Variants in GPC3 observed in about 807,000 individuals in gnomAD.
The protein encoded by GPC3 is glypican-3.
Under a neutral mutation model 34.4 loss-of-function variants are expected in GPC3, and 3 were observed. The ratio of observed to expected loss-of-function variants is 0.09; its 90% CI spans 0.04 to 0.23. The LOEUF (loss-of-function observed/expected upper bound fraction) is 0.23, where lower values mean the gene tolerates loss of function less well. Among genes scored for constraint, GPC3 ranks in the 10% least tolerant of loss-of-function variants. The pLI is 1.00. For synonymous variants in GPC3, 177 were observed against 174.0 expected (o/e 1.02, Z -0.13); for missense variants, 351 against 445.6 (o/e 0.79, Z 1.91).
intron 7 of GPC3, among the ~76,000 whole-genome samples, chrX:133,549,816 CCTCT>C (rs2069417559): frequency 1.1e-5 from 1 of 91,428 alleles, no homozygotes; most frequent in South Asian, 6.5e-4. Flanking sequence ...TCCTTCCCTC[CCTCT>C]CTCTCCCTCC....
chrX:133,708,882 C>A (rs1315397416), intron 3 of GPC3, among the ~76,000 whole-genome samples: 1 of 111,937 alleles, frequency 8.9e-6, no homozygotes, highest in Non-Finnish European at 1.9e-5. Flanking sequence ...TGAATGCTAT[C>A]CATTTGTTTA....
chrX:133,885,531 C>A (rs1426124434), intron 2 of GPC3, among the ~76,000 whole-genome samples: 1 of 111,301 alleles, frequency 9.0e-6, no homozygotes, highest in Non-Finnish European at 1.9e-5. Flanking sequence ...TTTTCAAGCC[C>A]CCAACAGATT....
Position 133,577,867 on chromosome X carries a change from C to A in GPC3, c.1573+18573G>T, listed in dbSNP as rs189506996. Among the ~76,000 whole-genome samples, 12 of 111,607 alleles carry A rather than the reference C, an allele frequency of 1.1e-4. No individual in the cohort carries two copies. The East Asian group carries it at 1.4e-3, about 13-fold the overall frequency. ...TGCCTAGTGACCTGGCTGGCTCTAT[C>A]CATAGTCCTCCAAATGACTCAGGTG... is the stretch of plus-strand genomic sequence containing the variant. On this transcript the variant is annotated intron_variant, in intron 7 of 7. Coordinates refer to ENST00000370818, the MANE Select transcript of GPC3 (RefSeq NM_004484.4).
intron 2 of GPC3, among the ~76,000 whole-genome samples, chrX:133,893,584 GTGA>G (rs767512931): frequency 9.0e-6 from 1 of 111,568 alleles, no homozygotes; most frequent in Admixed American, 9.6e-5. Context: ...AACCAATAAA[GTGA>G]TGATATGCAG....
chrX:133,841,240 G>A (rs1378007385), intron 2 of GPC3, among the ~76,000 whole-genome samples: 1 of 18,090 alleles, frequency 5.5e-5, no homozygotes. Context: ...TTTTTTTTTG[G>A]TAGAGATGGG....
intron 6 of GPC3, among the ~76,000 whole-genome samples, chrX:133,612,690 G>A (rs1390039382): frequency 1.8e-5 from 2 of 111,600 alleles, no homozygotes; most frequent in East Asian, 5.6e-4. Context: ...TGTTCTTGGT[G>A]GTTTAAGTTT....
chrX:133,712,006 G>A (rs1300544893), intron 3 of GPC3, among the ~76,000 whole-genome samples: 1 of 111,946 alleles, frequency 8.9e-6, no homozygotes, highest in African/African-American at 3.2e-5. Flanking sequence ...AATATTTTTT[G>A]AAGAATATAA....
intron 3 of GPC3, among the ~76,000 whole-genome samples, 189 bp from the exon 4 acceptor site, chrX:133,700,217 A>G (rs776805012): frequency 2.7e-5 from 3 of 111,315 alleles, no homozygotes; most frequent in Non-Finnish European, 5.7e-5. Context: ...GAGACGGGGA[A>G]TGGGGGCCCC....
At chrX:133,791,755 ATCTC>A (rs751130223) in intron 2 of GPC3, among the ~76,000 whole-genome samples, 1 of 107,880 alleles carries the variant, frequency 9.3e-6, no homozygotes, top group Non-Finnish European at 1.9e-5. Flanking sequence ...CCCCACCTGC[ATCTC>A]TCTCTAACTC....
intron 2 of GPC3, among the ~76,000 whole-genome samples, chrX:133,878,783 T>C (rs772073887): frequency 8.9e-6 from 1 of 111,792 alleles, no homozygotes; most frequent in Non-Finnish European, 1.9e-5. Flanking sequence ...TCCAGTTGTC[T>C]TGGGAGTCAA....
chrX:133,606,733 T>C (rs1471534207), intron 6 of GPC3, among the ~76,000 whole-genome samples: 1 of 111,837 alleles, frequency 8.9e-6, no homozygotes, highest in Non-Finnish European at 1.9e-5. Flanking sequence ...CAACAAGTTA[T>C]TCTTTAACCT....
chrX:133,868,687 A>G (rs1409510547), intron 2 of GPC3, among the ~76,000 whole-genome samples: 1 of 112,170 alleles, frequency 8.9e-6, no homozygotes, highest in Non-Finnish European at 1.9e-5. Flanking sequence ...ATAAGACCTC[A>G]TGATAATGTG....
intron 2 of GPC3, among the ~76,000 whole-genome samples, chrX:133,806,885 T>G (rs892275157): frequency 9.0e-6 from 1 of 111,207 alleles, no homozygotes; most frequent in Non-Finnish European, 1.9e-5. Context: ...CCTGACCTCA[T>G]GATCCATCCA....
chrX:133,868,064 C>T (rs2075976536), intron 2 of GPC3, among the ~76,000 whole-genome samples: 1 of 111,347 alleles, frequency 9.0e-6, no homozygotes, highest in Non-Finnish European at 1.9e-5. Flanking sequence ...GGATGCTAGG[C>T]AAAAGCTTGG....
intron 2 of GPC3, among the ~76,000 whole-genome samples, chrX:133,772,304 A>C (rs1214129226): frequency 9.0e-6 from 1 of 111,220 alleles, no homozygotes; most frequent in East Asian, 2.8e-4. Flanking sequence ...GCCAGACAAG[A>C]ATGTTAATTT....
intron 7 of GPC3, among the ~76,000 whole-genome samples, chrX:133,581,181 A>T (rs945497262): frequency 1.8e-5 from 2 of 112,306 alleles, no homozygotes; most frequent in African/African-American, 6.5e-5. Context: ...TAGCAGAGGG[A>T]TTTCAGAGGG....
At chrX:133,702,947 C>T (rs1018428839) in intron 3 of GPC3, among the ~76,000 whole-genome samples, 1 of 112,363 alleles carries the variant, frequency 8.9e-6, no homozygotes, top group African/African-American at 3.2e-5. Flanking sequence ...ACTATGTGAG[C>T]TATAGGTGAA....
At chrX:133,908,275 C>T (rs1815912199) in intron 2 of GPC3, among the ~76,000 whole-genome samples, 1 of 111,527 alleles carries the variant, frequency 9.0e-6, no homozygotes, top group Admixed American at 9.6e-5. Context: ...TTACGTAAGG[C>T]CCTCACAATT....
intron 1 of GPC3, among the ~76,000 whole-genome samples, chrX:133,969,355 G>A (rs1046212282): frequency 6.3e-5 from 7 of 111,875 alleles, no homozygotes; most frequent in African/African-American, 1.9e-4. Flanking sequence ...CTATTTAGAC[G>A]AGCCTTAGCA....
Sources: allele counts gnomAD v4.1 joint callset (sites outside exome capture counted in the v4.1 genomes callset), GRCh38; gene constraint gnomAD v4.1.1; transcripts MANE v1.5; gene names NCBI Gene and HGNC (gene_info 2026-07-23, HGNC 2026-07-21).